The following PDGFD variants were observed in gnomAD, a reference collection of about 807,000 sequenced individuals.
PDGFD encodes platelet derived growth factor D.
Under a neutral mutation model 44.7 loss-of-function variants are expected in PDGFD, and 30 were observed. The observed-to-expected ratio is 0.67, with a 90% CI of 0.50 to 0.91. The LOEUF (loss-of-function observed/expected upper bound fraction) is 0.91. Ranked by LOEUF, PDGFD falls within the 40% of genes least tolerant of loss-of-function variation. The pLI is 0.00. For synonymous variants in PDGFD, 173 were observed against 168.4 expected, an observed-to-expected ratio of 1.03 and a Z score of -0.21; for missense variants, 445 against 457.8, an observed-to-expected ratio of 0.97 and a Z score of 0.25.
At chr11:104,163,774 T>C (rs774357925) in intron 1 of PDGFD, 30 bp downstream of exon 1, 2 of 1,503,422 alleles carry the variant, frequency 1.3e-6, no homozygotes, top group Admixed American at 4.2e-5. Flanking sequence ...TGATTTTTTT[T>C]TCAGTTAAAA....
chr11:103,944,792 A>C (rs1304324730), intron 4 of PDGFD, among the ~76,000 whole-genome samples: 3 of 152,176 alleles, frequency 2.0e-5, no homozygotes, highest in Non-Finnish European at 2.9e-5. Context: ...TCTCAGAGTA[A>C]CAGTCCCTCT....
intron 1 of PDGFD, among the ~76,000 whole-genome samples, chr11:104,113,562 T>C (rs117286272): frequency 0.014 from 2,065 of 151,884 alleles, 18 homozygotes; most frequent in Admixed American, 0.049. Flanking sequence ...ATTATGAACA[T>C]AGCTGCTATA....
intron 3 of PDGFD, among the ~76,000 whole-genome samples, chr11:103,985,716 G>C (rs1859353406): frequency 6.7e-6 from 1 of 149,222 alleles, no homozygotes; most frequent in Admixed American, 6.6e-5. Flanking sequence ...GCTGTGGTCA[G>C]AACATGGAAG....
intron 6 of PDGFD, among the ~76,000 whole-genome samples, 160 bp from the exon 7 acceptor site, chr11:103,909,979 T>C (rs982448193): frequency 3.9e-5 from 6 of 152,202 alleles, no homozygotes; most frequent in African/African-American, 1.2e-4. Flanking sequence ...TATTAGAATG[T>C]ACACATTTTT....
In PDGFD at chr11:104,037,658, T is replaced by C. The variant is rs759352906; in HGVS notation, c.125-37403A>G. On this transcript the variant is annotated intron_variant, in intron 1 of 6. Coordinates refer to ENST00000393158, the MANE Select transcript of PDGFD (RefSeq NM_025208.5). The stretch of plus-strand genomic sequence containing the variant: ...GCTTGTGCCGAGCGATGTAACATCA[T>C]GAGGCTGGTGGACCGACGGTGGGCT... The C allele has an allele frequency of 4.3e-5, 69 of 1,614,028 alleles. 1 individual carries two copies. In the South Asian group the frequency reaches 7.4e-4, roughly 17 times the overall value.
chr11:104,030,130 C>T (rs563243609), intron 1 of PDGFD, among the ~76,000 whole-genome samples: 9 of 152,252 alleles, frequency 5.9e-5, no homozygotes, highest in African/African-American at 1.2e-4. Flanking sequence ...ACATACATTT[C>T]GTGTTTATAC....
At chr11:104,136,814 G>A (rs548474168) in intron 1 of PDGFD, among the ~76,000 whole-genome samples, 2 of 152,226 alleles carry the variant, frequency 1.3e-5, no homozygotes, top group South Asian at 4.1e-4. Context: ...TATATTTTAT[G>A]AAGAATTTGT....
chr11:103,955,183 A>G (rs1858822023), intron 3 of PDGFD, among the ~76,000 whole-genome samples: 1 of 66,660 alleles, frequency 1.5e-5, no homozygotes, highest in Non-Finnish European at 4.2e-5. Flanking sequence ...AAAAAAAAAA[A>G]AAAAAAAAAA....
chr11:104,108,059 CA>C (rs1861495600), intron 1 of PDGFD, among the ~76,000 whole-genome samples: 1 of 152,012 alleles, frequency 6.6e-6, no homozygotes, highest in Non-Finnish European at 1.5e-5. Context: ...TTGCAATCAA[CA>C]AGGCTTTTAA....
intron 3 of PDGFD, among the ~76,000 whole-genome samples, chr11:103,977,200 T>G (rs577675795): frequency 6.6e-6 from 1 of 152,154 alleles, no homozygotes; most frequent in African/African-American, 2.4e-5. Flanking sequence ...CAGTAATTAA[T>G]AGCCTACCAA....
At chr11:104,163,472 G>A (rs529580930) in intron 1 of PDGFD, among the ~76,000 whole-genome samples, 5 of 152,252 alleles carry the variant, frequency 3.3e-5, no homozygotes, top group African/African-American at 1.2e-4. Context: ...ACCAAGGGGC[G>A]GCGCAGCTTG....
At chr11:104,101,279 A>G (rs1248807429) in intron 1 of PDGFD, among the ~76,000 whole-genome samples, 1 of 152,164 alleles carries the variant, frequency 6.6e-6, no homozygotes, top group African/African-American at 2.4e-5. Flanking sequence ...TCAATGTGCA[A>G]AAATCACAAG....
chr11:104,120,188 T>C (rs1022018650), intron 1 of PDGFD, among the ~76,000 whole-genome samples: 6 of 151,370 alleles, frequency 4.0e-5, no homozygotes, highest in African/African-American at 1.5e-4. Flanking sequence ...AGGTATAGCA[T>C]TGCCCCTTAC....
chr11:103,996,632 A>G (rs1859537318), intron 2 of PDGFD, among the ~76,000 whole-genome samples: 1 of 152,250 alleles, frequency 6.6e-6, no homozygotes, highest in African/African-American at 2.4e-5. Flanking sequence ...TTTTTAAAAC[A>G]AATACCCACT....
intron 1 of PDGFD, among the ~76,000 whole-genome samples, chr11:104,022,883 T>C (rs1565312796): frequency 6.6e-6 from 1 of 152,100 alleles, no homozygotes; most frequent in East Asian, 1.9e-4. Flanking sequence ...TCCTGAACAC[T>C]ATGTAGGTAG....
intron 1 of PDGFD, among the ~76,000 whole-genome samples, chr11:104,019,394 G>A (rs530563086): frequency 6.6e-6 from 1 of 152,226 alleles, no homozygotes; most frequent in African/African-American, 2.4e-5. Flanking sequence ...ATTAATGTCT[G>A]AGAAATAAAT....
Position 104,083,628 on chromosome 11 carries a change from A to G in PDGFD, c.124+80176T>C, listed in dbSNP as rs181792856. ...AATTCTATTGTCCCAATACAAAAAT[A>G]AACTGGATTATCTTGATCTAATTAG... is the stretch of plus-strand genomic sequence containing the variant. On this transcript the variant is annotated intron_variant, in intron 1 of 6. Transcript: ENST00000393158. Among the ~76,000 whole-genome samples, 275 of 152,332 alleles carry G rather than the reference A, an allele frequency of 1.8e-3. 2 individuals are homozygous for G. The highest frequency in any genetic ancestry group is 6.8e-3 in the Middle Eastern group (2 of 294).
intron 3 of PDGFD, among the ~76,000 whole-genome samples, chr11:103,953,250 G>GTTTTTGATCTCTTT (rs1858785758): frequency 6.7e-6 from 1 of 149,804 alleles, no homozygotes; most frequent in African/African-American, 2.4e-5. Flanking sequence ...AAAAACAAAA[G>GTTTTTGATCTCTTT]TAAAACCATA....
chr11:103,939,245 T>C (rs1052727025), intron 5 of PDGFD, among the ~76,000 whole-genome samples: 4 of 152,340 alleles, frequency 2.6e-5, no homozygotes, highest in Non-Finnish European at 2.9e-5. Flanking sequence ...CAGTGGTTTG[T>C]AGTTCTCCTT....
Sources: gnomAD v4.1 joint callset for allele counts (sites outside exome capture counted in the v4.1 genomes callset) on GRCh38, gnomAD v4.1.1 for gene constraint, MANE v1.5 for transcripts, NCBI Gene and HGNC (gene_info 2026-07-23, HGNC 2026-07-21) for gene names.